Variants in KIF5C observed in about 807,000 individuals in gnomAD.
KIF5C encodes kinesin family member 5C.
A neutral mutation model predicts 125.2 loss-of-function variants in KIF5C; 18 were observed. The observed-to-expected ratio is 0.14, with a 90% CI of 0.10 to 0.21. The LOEUF (loss-of-function observed/expected upper bound fraction) is 0.21, where lower values mean the gene tolerates loss of function less well. KIF5C is among the 10% of genes least tolerant of loss of function. The probability of loss-of-function intolerance (pLI) is 1.00; values close to 1 mark genes in which losing one functional copy is unlikely to be tolerated. For missense variants in KIF5C, 780 were observed against 1,183.8 expected (o/e 0.66, Z 5.01); for synonymous variants, 405 against 434.0 (o/e 0.93, Z 0.83).
chr2:149,020,779 C>A (rs1192870132), intron 25 of KIF5C, among the ~76,000 whole-genome samples: 1 of 152,208 alleles, frequency 6.6e-6, no homozygotes, highest in Non-Finnish European at 1.5e-5. Flanking sequence ...GGCATTCAGG[C>A]AGGCACTCCT....
intron 10 of KIF5C, among the ~76,000 whole-genome samples, chr2:148,951,088 A>T: frequency 6.6e-6 from 1 of 152,338 alleles, no homozygotes; most frequent in African/African-American, 2.4e-5. Context: ...ACTGGAGTCT[A>T]CCTTTTAGGT....
intron 1 of KIF5C, among the ~76,000 whole-genome samples, chr2:148,917,621 C>A (rs184539390): frequency 3.9e-5 from 6 of 152,316 alleles, no homozygotes; most frequent in Admixed American, 2.6e-4. Flanking sequence ...AAGAACTTGT[C>A]ATTTCTGTAC....
At chr2:148,907,326 C>A (rs186608568) in intron 1 of KIF5C, among the ~76,000 whole-genome samples, 23 of 152,240 alleles carry the variant, frequency 1.5e-4, no homozygotes, top group African/African-American at 5.1e-4. Context: ...TGAAGGACAG[C>A]CTGCAGTTAC....
chr2:148,884,675 C>T (rs149168901), intron 1 of KIF5C, among the ~76,000 whole-genome samples: 19 of 152,204 alleles, frequency 1.2e-4, no homozygotes, highest in Non-Finnish European at 2.2e-4. Flanking sequence ...TTAACATAAC[C>T]ACAATAACAC....
chr2:148,920,169 A>C (rs1055529474), intron 1 of KIF5C, among the ~76,000 whole-genome samples: 1 of 152,172 alleles, frequency 6.6e-6, no homozygotes, highest in Non-Finnish European at 1.5e-5. Context: ...ATTTTCTCTA[A>C]AACCCAAAGC....
At chr2:148,910,044 T>A (rs551766149) in intron 1 of KIF5C, among the ~76,000 whole-genome samples, 116 of 152,334 alleles carry the variant, frequency 7.6e-4, no homozygotes, top group African/African-American at 2.7e-3. Flanking sequence ...AGTAAAATTT[T>A]AAAAATTCTA....
At chr2:149,016,401 G>A (rs1168966824) in intron 25 of KIF5C, among the ~76,000 whole-genome samples, 6 of 152,138 alleles carry the variant, frequency 3.9e-5, no homozygotes, top group Non-Finnish European at 8.8e-5. Flanking sequence ...GGGAGGGTCC[G>A]GTACCAGACC....
intron 3 of KIF5C, among the ~76,000 whole-genome samples, chr2:148,929,816 A>ATT (rs372504821): frequency 1.4e-5 from 2 of 148,062 alleles, no homozygotes; most frequent in Non-Finnish European, 3.0e-5. Flanking sequence ...ACTGCACGGT[A>ATT]TTTTTTTTTT....
chr2:148,890,367 C>T (rs1174101414), intron 1 of KIF5C, among the ~76,000 whole-genome samples: 1 of 151,898 alleles, frequency 6.6e-6, no homozygotes, highest in Non-Finnish European at 1.5e-5. Context: ...CAGGTATGGT[C>T]GTGTGTACCT....
At chr2:148,929,689 C>G (rs1682126540) in intron 3 of KIF5C, among the ~76,000 whole-genome samples, 1 of 152,102 alleles carries the variant, frequency 6.6e-6, no homozygotes, top group African/African-American at 2.4e-5. Context: ...AATCATTTAC[C>G]CTGATGAAGG....
intron 13 of KIF5C, among the ~76,000 whole-genome samples, chr2:148,980,225 C>T (rs563135520): frequency 5.0e-4 from 76 of 152,280 alleles, no homozygotes; most frequent in African/African-American, 1.7e-3. Flanking sequence ...AACCATATTT[C>T]GTTGATCTCT....
chr2:148,951,749 T>G (rs1285583064), intron 10 of KIF5C, among the ~76,000 whole-genome samples: 2 of 152,160 alleles, frequency 1.3e-5, no homozygotes, highest in East Asian at 3.9e-4. Flanking sequence ...ACTAGCTCAT[T>G]TGTACATGGA....
chr2:148,954,544 AG>A (rs1281583674), intron 10 of KIF5C, among the ~76,000 whole-genome samples: 4 of 152,090 alleles, frequency 2.6e-5, no homozygotes, highest in African/African-American at 9.7e-5. Flanking sequence ...AGGCCCTCTG[AG>A]GGGGCAGACC....
At chr2:148,935,814 A>G (rs1334084333) in intron 3 of KIF5C, among the ~76,000 whole-genome samples, 3 of 152,250 alleles carry the variant, frequency 2.0e-5, no homozygotes, top group Non-Finnish European at 2.9e-5. Context: ...CAATAATTCT[A>G]TGTAATAAAT....
intron 3 of KIF5C, among the ~76,000 whole-genome samples, chr2:148,933,840 CACACACAGACACACCACACACCATAATAT>C (rs1220728882): frequency 1.3e-5 from 2 of 151,120 alleles, no homozygotes; most frequent in Non-Finnish European, 3.0e-5. Flanking sequence ...AACACATGTA[CACACACAGACACACCACACACCATAATAT>C]ACACACAGAC....
intron 25 of KIF5C, among the ~76,000 whole-genome samples, chr2:149,019,688 T>C (rs1205617046): frequency 6.6e-6 from 1 of 152,194 alleles, no homozygotes; most frequent in Admixed American, 6.5e-5. Flanking sequence ...TAGAGTACAA[T>C]TGGTAATTCT....
chr2:149,001,290 T>C (rs893692261), intron 21 of KIF5C, among the ~76,000 whole-genome samples: 1 of 152,188 alleles, frequency 6.6e-6, no homozygotes, highest in South Asian at 2.1e-4. Flanking sequence ...GGATGTGACC[T>C]TTGAGCAGGG....
At chr2:148,941,848 CTT>C in intron 5 of KIF5C, 85 bp from the exon 6 acceptor site, 4 of 1,536,542 alleles carry the variant, frequency 2.6e-6, no homozygotes, top group Non-Finnish European at 3.5e-6. Flanking sequence ...ATTTGACTGT[CTT>C]TGTAACAAAC....
At chr2:149,000,969 A>C (rs1280727622) in intron 21 of KIF5C, among the ~76,000 whole-genome samples, 187 bp downstream of exon 21, 2 of 152,250 alleles carry the variant, frequency 1.3e-5, no homozygotes, top group Admixed American at 6.5e-5. Flanking sequence ...CAACCAATCC[A>C]TCTATCCTTA....
Sources: gnomAD v4.1 joint callset for allele counts (sites outside exome capture counted in the v4.1 genomes callset) on GRCh38, gnomAD v4.1.1 for gene constraint, MANE v1.5 for transcripts, NCBI Gene and HGNC (gene_info 2026-07-23, HGNC 2026-07-21) for gene names.